KALRN: variants seen among roughly 807,000 people sequenced by gnomAD.
KALRN encodes kalirin RhoGEF kinase.
In KALRN, 70 loss-of-function variants were observed where a neutral mutation model predicts 353.7. The ratio of observed to expected loss-of-function variants is 0.20; its 90% CI spans 0.16 to 0.24. The LOEUF (loss-of-function observed/expected upper bound fraction) is 0.24, where lower values mean the gene tolerates loss of function less well. Ranked by LOEUF, KALRN falls within the 10% of genes least tolerant of loss-of-function variation. The pLI, the probability that KALRN is intolerant of heterozygous loss-of-function variation, is 1.00. For synonymous variants in KALRN, 1,391 were observed against 1,434.8 expected (o/e 0.97, Z 0.69); for missense variants, 2,791 against 3,756.7 (o/e 0.74, Z 6.72).
chr3:124,191,895 ACT>A (rs2074957217), intron 1 of KALRN, among the ~76,000 whole-genome samples: 1 of 152,016 alleles, frequency 6.6e-6, no homozygotes, highest in African/African-American at 2.4e-5. Flanking sequence ...TGGGAATTAG[ACT>A]CTGTCTTTTA....
chr3:124,434,054 G>T (rs1156352242), intron 16 of KALRN, among the ~76,000 whole-genome samples: 1 of 152,158 alleles, frequency 6.6e-6, no homozygotes, highest in Non-Finnish European at 1.5e-5. Flanking sequence ...TTAAAATCTA[G>T]AGTGCTGCAA....
At chr3:124,509,085 C>T (rs2065571990) in intron 33 of KALRN, among the ~76,000 whole-genome samples, 4 of 152,150 alleles carry the variant, frequency 2.6e-5, no homozygotes, top group Admixed American at 2.6e-4. Flanking sequence ...ATATGTTTCA[C>T]CCTGTGGCAA....
chr3:124,567,568 GC>G (rs1028143803), intron 34 of KALRN, among the ~76,000 whole-genome samples: 8 of 152,108 alleles, frequency 5.3e-5, no homozygotes, highest in African/African-American at 1.9e-4. Flanking sequence ...CTGGGATTGG[GC>G]CCTCCAGCCC....
chr3:124,675,247 C>T (rs543789500), intron 49 of KALRN: 8 of 152,164 alleles, frequency 5.3e-5, no homozygotes, highest in East Asian at 1.9e-4. Context: ...AAGACCCTTC[C>T]GAACACATTC....
At chr3:124,222,795 G>A (rs1035294363) in intron 1 of KALRN, among the ~76,000 whole-genome samples, 1 of 151,996 alleles carries the variant, frequency 6.6e-6, no homozygotes, top group Non-Finnish European at 1.5e-5. Context: ...TGTATAGATA[G>A]GGTTTTGTCA....
intron 54 of KALRN, among the ~76,000 whole-genome samples, chr3:124,696,572 G>T (rs372248902): frequency 8.5e-5 from 13 of 152,060 alleles, no homozygotes; most frequent in East Asian, 7.7e-4. Flanking sequence ...ATAGAGACAG[G>T]GTCTCGCTAT....
intron 34 of KALRN, among the ~76,000 whole-genome samples, chr3:124,598,989 A>G (rs2076536824): frequency 6.6e-6 from 1 of 151,992 alleles, no homozygotes; most frequent in South Asian, 2.1e-4. Context: ...ACACATTTCT[A>G]AGTACTCTCA....
At chr3:124,304,430 T>C (rs2077522359) in intron 6 of KALRN, among the ~76,000 whole-genome samples, 1 of 152,322 alleles carries the variant, frequency 6.6e-6, no homozygotes, top group South Asian at 2.1e-4. Flanking sequence ...AAGTGATCTA[T>C]ATGCACGTTA....
chr3:124,351,017 T>C (rs982690375), intron 10 of KALRN, among the ~76,000 whole-genome samples: 2 of 152,132 alleles, frequency 1.3e-5, no homozygotes, highest in Non-Finnish European at 2.9e-5. Context: ...GGAAAACCAA[T>C]GCTGACCACA....
intron 14 of KALRN, among the ~76,000 whole-genome samples, chr3:124,422,263 C>T (rs2092815685): frequency 6.6e-6 from 1 of 152,102 alleles, no homozygotes; most frequent in Admixed American, 6.6e-5. Context: ...CTAATAAAAT[C>T]ACCACTGTCC....
chr3:124,055,497 A>G (rs891827234), intron 1 of KALRN, among the ~76,000 whole-genome samples: 1 of 152,230 alleles, frequency 6.6e-6, no homozygotes, highest in Non-Finnish European at 1.5e-5. Context: ...TCAACTTGTT[A>G]TGCATAGAAG....
chr3:124,357,031 C>T (rs2083495682), intron 10 of KALRN, among the ~76,000 whole-genome samples: 1 of 152,204 alleles, frequency 6.6e-6, no homozygotes, highest in African/African-American at 2.4e-5. Flanking sequence ...ACCTCCCACC[C>T]CTTCCGGTGT....
Position 124,430,679 on chromosome 3 carries a change from A to T in KALRN, c.2733A>T (p.Gly911=), listed in dbSNP as rs768222182. Residue 911 remains glycine, a synonymous_variant, in exon 16 of 60, where the codon GGA becomes GGT. Transcript: ENST00000682506. ...AGGTTCTGGGATGGATCCGCAATGG[A>T]GAGTCAATGCTCAACGCCAGCCTGG... The part of the protein sequence containing the change: ...VKQVLGWIRN[G]ESMLNASLVN... 3 of 1,614,140 alleles carry T rather than the reference A, an allele frequency of 1.9e-6. No individual in the cohort carries two copies. In the East Asian group the frequency reaches 6.7e-5, roughly 36 times the overall value.
chr3:124,605,586 A>AGAGAG (rs1393448627), intron 34 of KALRN, among the ~76,000 whole-genome samples: 13,922 of 141,914 alleles, frequency 0.098, 1,661 homozygotes, highest in East Asian at 0.39. Flanking sequence ...AAAAAAAAAA[A>AGAGAG]AGAGAGAGAG....
At chr3:124,623,614 G>A (rs1027521759) in intron 34 of KALRN, among the ~76,000 whole-genome samples, 18 of 152,056 alleles carry the variant, frequency 1.2e-4, no homozygotes, top group Non-Finnish European at 2.2e-4. Flanking sequence ...GTCTTTTCAC[G>A]TTTTATCTGC....
intron 13 of KALRN, among the ~76,000 whole-genome samples, chr3:124,402,932 A>G (rs2091052218): frequency 6.6e-6 from 1 of 152,194 alleles, no homozygotes; most frequent in African/African-American, 2.4e-5. Flanking sequence ...CATGATTGGT[A>G]TTATCTTCAA....
chr3:124,258,118 G>A (rs1277112818), intron 3 of KALRN, among the ~76,000 whole-genome samples: 1 of 152,174 alleles, frequency 6.6e-6, no homozygotes, highest in Non-Finnish European at 1.5e-5. Context: ...TGCGGGAGTT[G>A]GTTGGCCAGA....
intron 7 of KALRN, among the ~76,000 whole-genome samples, chr3:124,329,104 T>G (rs1387697862): frequency 6.6e-6 from 1 of 152,182 alleles, no homozygotes; most frequent in African/African-American, 2.4e-5. Flanking sequence ...AAAGGTGCAT[T>G]TTTCCACCCA....
intron 51 of KALRN, among the ~76,000 whole-genome samples, chr3:124,687,438 T>A (rs2061614485): frequency 6.6e-6 from 1 of 152,150 alleles, no homozygotes; most frequent in South Asian, 2.1e-4. Context: ...CAACCAACTA[T>A]CTTGTGAGAT....
Sources: gnomAD v4.1 joint callset for allele counts (sites outside exome capture counted in the v4.1 genomes callset) on GRCh38, gnomAD v4.1.1 for gene constraint, MANE v1.5 for transcripts, NCBI Gene and HGNC (gene_info 2026-07-23, HGNC 2026-07-21) for gene names.